MEIS2: variants seen among roughly 807,000 people sequenced by gnomAD.
The protein encoded by MEIS2 is homeobox protein Meis2.
In MEIS2, 9 loss-of-function variants were observed where a neutral mutation model predicts 58.6. That is an observed-to-expected ratio of 0.15 (90% confidence interval 0.09 to 0.27). MEIS2 has a LOEUF of 0.27. Ranked by LOEUF, MEIS2 falls within the 10% of genes least tolerant of loss-of-function variation. The pLI is 1.00. For missense variants in MEIS2, 427 were observed against 635.0 expected (o/e 0.67, Z 3.52); for synonymous variants, 221 against 228.4 (o/e 0.97, Z 0.29).
Position 37,083,849 on chromosome 15 carries a change from A to G in MEIS2, c.676T>C (p.Ser226Pro). 6.2e-7 allele frequency: 1 copy of G among 1,614,064 alleles called. No homozygotes were observed. Among genetic ancestry groups the G allele is most frequent in the South Asian group, 1.1e-5 (1 of 91,078 alleles). Residue 226 changes from serine to proline, a missense_variant, in exon 7 of 12, where the codon TCA becomes CCA. Physicochemically the swap from Ser to Pro is moderately conservative, Grantham distance 74 (BLOSUM62 -1). Around this residue, in one of 6 missense-constraint regions of MEIS2, gnomAD observed 138 missense variants for 263.0 expected, o/e 0.52. Transcript: ENST00000561208. ...SSWRDHDDATSTHSAGTPGPS... is the reference protein window; with the variant it reads ...SSWRDHDDATPTHSAGTPGPS... ...CCTGGGGTGCCTGCTGAGTGGGTTG[A>G]GGTTGCATCATCGTGGTCTCGCCAA...
chr15:36,916,111 CT>C (rs2057264909), intron 9 of MEIS2, among the ~76,000 whole-genome samples: 1 of 151,736 alleles, frequency 6.6e-6, no homozygotes, highest in Non-Finnish European at 1.5e-5. Flanking sequence ...TTTTCTTCTT[CT>C]TCTTTTTTTT....
At chr15:36,916,219 A>C (rs2057272824) in intron 9 of MEIS2, among the ~76,000 whole-genome samples, 1 of 149,668 alleles carries the variant, frequency 6.7e-6, no homozygotes, top group African/African-American at 2.5e-5. Context: ...CGAGGTCAGG[A>C]GATTGAGACC....
chr15:37,073,893 T>C (rs1891030682), intron 7 of MEIS2, among the ~76,000 whole-genome samples: 1 of 152,070 alleles, frequency 6.6e-6, no homozygotes, highest in Admixed American at 6.6e-5. Flanking sequence ...GTGTTTTGAT[T>C]AAACAAATAT....
chr15:36,931,189 A>T (rs2057962791), intron 9 of MEIS2, among the ~76,000 whole-genome samples: 1 of 152,238 alleles, frequency 6.6e-6, no homozygotes, highest in Non-Finnish European at 1.5e-5. Context: ...AAAATTTGTC[A>T]TCAGCCAAGA....
intron 8 of MEIS2, among the ~76,000 whole-genome samples, chr15:36,986,006 G>A (rs570454956): frequency 5.5e-4 from 84 of 152,170 alleles, no homozygotes; most frequent in Non-Finnish European, 8.1e-4. Flanking sequence ...AGTTTCTAGC[G>A]CCACTGTAAT....
chr15:37,023,053 G>C (rs1235323493), intron 8 of MEIS2, among the ~76,000 whole-genome samples: 1 of 152,130 alleles, frequency 6.6e-6, no homozygotes, highest in Non-Finnish European at 1.5e-5. Flanking sequence ...TGCTAGTTTA[G>C]TGTTTTTCTT....
intron 7 of MEIS2, among the ~76,000 whole-genome samples, chr15:37,077,417 G>T (rs764785092): frequency 6.6e-6 from 1 of 152,078 alleles, no homozygotes; most frequent in African/African-American, 2.4e-5. Context: ...AGTTTTTCAT[G>T]CTTTGATTTT....
intron 9 of MEIS2, among the ~76,000 whole-genome samples, chr15:36,935,612 T>G (rs1375411802): frequency 6.6e-6 from 1 of 152,196 alleles, no homozygotes; most frequent in Admixed American, 6.5e-5. Context: ...CATATGATCA[T>G]ACTGCATCCT....
rs1442100305 is a variant in MEIS2, at chr15:36,895,193, A to T, written c.1105T>A (p.Phe369Ile). 1 of 1,614,068 alleles carries T rather than the reference A, an allele frequency of 6.2e-7. No homozygotes were observed. The highest frequency in any genetic ancestry group is 8.5e-7 in the Non-Finnish European group (1 of 1,180,048). ...ATGTGTTGCTGACCATCCAACACAAAGCTCCCCATGGGCTGACCCTCTGGA... is the reference window on the plus strand; with the variant it reads ...ATGTGTTGCTGACCATCCAACACAATGCTCCCCATGGGCTGACCCTCTGGA... ...YSPEGQPMGS[F>I]VLDGQQHMGI... The change falls in exon 11 of 12, where the codon TTT becomes ATT. Residue 369 changes from phenylalanine (F) to isoleucine (I), a missense_variant. Phe to Ile is a conservative substitution (Grantham distance 21). This residue lies in a region of MEIS2 where 19 missense variants were observed against 37.3 expected (regional missense o/e 0.51). Transcript: ENST00000561208.
intron 9 of MEIS2, among the ~76,000 whole-genome samples, chr15:36,904,866 G>A (rs1279123003): frequency 2.6e-5 from 4 of 152,166 alleles, no homozygotes; most frequent in African/African-American, 4.8e-5. Flanking sequence ...TAAGACATGT[G>A]CATTGTCTTG....
At chr15:37,078,869 A>C (rs1891812964) in intron 7 of MEIS2, among the ~76,000 whole-genome samples, 2 of 152,098 alleles carry the variant, frequency 1.3e-5, no homozygotes, top group East Asian at 3.9e-4. Context: ...CAGTTAAAAA[A>C]AAAATCTAGA....
intron 9 of MEIS2, among the ~76,000 whole-genome samples, chr15:36,920,117 C>CTTTT (rs34091057): frequency 8.0e-6 from 1 of 125,772 alleles, no homozygotes; most frequent in East Asian, 2.4e-4. Context: ...ACCTATACTG[C>CTTTT]TTTTATTTAT....
chr15:37,003,358 C>CAAA (rs1177309915), intron 8 of MEIS2, among the ~76,000 whole-genome samples: 2 of 151,842 alleles, frequency 1.3e-5, no homozygotes, highest in Non-Finnish European at 2.9e-5. Flanking sequence ...ACAACAACAA[C>CAAA]AACAAAAACA....
chr15:37,091,905 T>C (rs1893572355), intron 6 of MEIS2, among the ~76,000 whole-genome samples: 1 of 151,982 alleles, frequency 6.6e-6, no homozygotes, highest in African/African-American at 2.4e-5. Context: ...CTCCCAATAA[T>C]GTGAATAAAT....
intron 1 of MEIS2, 183 bp from the exon 2 acceptor site, chr15:37,098,382 GAGAGAGAGAGAGAGAGAGA>G: frequency 3.6e-6 from 2 of 557,016 alleles, no homozygotes; most frequent in Non-Finnish European, 4.3e-6. Context: ...GAGAGGGGGA[GAGAGAGAGAGAGAGAGAGA>G]GAGAGAGAGA....
At chr15:36,906,765 G>A (rs2141253277) in intron 9 of MEIS2, among the ~76,000 whole-genome samples, 1 of 152,108 alleles carries the variant, frequency 6.6e-6, no homozygotes, top group East Asian at 1.9e-4. Flanking sequence ...CAGAGCTGCA[G>A]GAGTAGGTAA....
At chr15:36,974,106 A>C (rs2059661099) in intron 8 of MEIS2, among the ~76,000 whole-genome samples, 1 of 152,208 alleles carries the variant, frequency 6.6e-6, no homozygotes. Flanking sequence ...CCAAACTTTC[A>C]GGTACAGATA....
In MEIS2 at chr15:37,096,936, T is replaced by C. The variant is rs550722782; in HGVS notation, c.246-506A>G. 5.3e-5 allele frequency among the ~76,000 whole-genome samples: 8 copies of C among 152,342 alleles called. No homozygotes were observed. The South Asian group carries it at 1.2e-3, about 24-fold the overall frequency. Reference sequence around the variant, plus strand: ...ACATACACACCGGAGTGACACTTCATAAATGCAAGAGAATGCTCTTTTAAT... The same window carrying C: ...ACATACACACCGGAGTGACACTTCACAAATGCAAGAGAATGCTCTTTTAAT... On this transcript the variant is annotated intron_variant, in intron 2 of 11. Coordinates refer to ENST00000561208, the MANE Select transcript of MEIS2 (RefSeq NM_170675.5).
chr15:36,942,647 G>A (rs1362163765), intron 9 of MEIS2, among the ~76,000 whole-genome samples: 2 of 152,128 alleles, frequency 1.3e-5, no homozygotes, highest in East Asian at 3.9e-4. Flanking sequence ...GAATGAATGA[G>A]TGAAGTGAAA....
Sources: gnomAD v4.1 joint callset for allele counts (sites outside exome capture counted in the v4.1 genomes callset) on GRCh38, gnomAD v4.1.1 for gene constraint, gnomAD v4.1.1 regional missense constraint, MANE v1.5 for transcripts, NCBI Gene and HGNC (gene_info 2026-07-23, HGNC 2026-07-21) for gene names.